Variants in CNTNAP2 observed in about 807,000 individuals in gnomAD.
The protein encoded by CNTNAP2 is contactin associated protein 2.
In CNTNAP2, 98 loss-of-function variants were observed where a neutral mutation model predicts 155.2. The observed-to-expected ratio is 0.63, with a 90% confidence interval of 0.54 to 0.75. CNTNAP2 has a LOEUF of 0.75. Among genes scored for constraint, CNTNAP2 ranks in the 30% least tolerant of loss-of-function variants. The pLI is 0.00. For missense variants in CNTNAP2, 1,727 were observed against 1,688.1 expected (o/e 1.02, Z -0.40); for synonymous variants, 651 against 631.2 (o/e 1.03, Z -0.47).
chr7:147,556,947 A>G (rs1208502012), intron 11 of CNTNAP2, among the ~76,000 whole-genome samples: 4 of 152,214 alleles, frequency 2.6e-5, no homozygotes, highest in Non-Finnish European at 4.4e-5. Flanking sequence ...GTTTAATGAA[A>G]ATGAATAAGA....
At chr7:148,236,957 C>T (rs1534707) in intron 20 of CNTNAP2, among the ~76,000 whole-genome samples, 54,208 of 152,100 alleles carry the variant, frequency 0.36, 10,442 homozygotes, top group East Asian at 0.61. Context: ...TCCATGATCC[C>T]ATCAACTCCC....
At chr7:147,837,865 G>A (rs529547061) in intron 13 of CNTNAP2, among the ~76,000 whole-genome samples, 1 of 152,268 alleles carries the variant, frequency 6.6e-6, no homozygotes, top group South Asian at 2.1e-4. Flanking sequence ...CTGTCCCTGT[G>A]GCTTTGCAGG....
chr7:146,800,591 T>A (rs1200470646), intron 2 of CNTNAP2, among the ~76,000 whole-genome samples: 3 of 152,136 alleles, frequency 2.0e-5, no homozygotes, highest in African/African-American at 7.2e-5. Flanking sequence ...CACCAAGGTG[T>A]CCTCAGGCAC....
rs183451536 is a variant in CNTNAP2 at position 147,617,478 on chromosome 7, T to C, written c.1898-21628T>C. On this transcript the variant is annotated intron_variant, in intron 12 of 23. Coordinates refer to ENST00000361727, the MANE Select transcript of CNTNAP2 (RefSeq NM_014141.6). ...TATTACCAACTTATGACATTTTTTA[T>C]GTAATAGGCTATACATTGTTGCCAT... Among the ~76,000 whole-genome samples, 32 of 152,310 alleles carry C rather than the reference T, an allele frequency of 2.1e-4. 1 individual carries two copies. Among genetic ancestry groups the C allele is most frequent in the South Asian group, 2.1e-4 (1 of 4,822 alleles).
intron 14 of CNTNAP2, among the ~76,000 whole-genome samples, chr7:147,946,217 G>T (rs1186627263): frequency 6.6e-6 from 1 of 152,096 alleles, no homozygotes; most frequent in Non-Finnish European, 1.5e-5. Context: ...AACACATCTA[G>T]CTCCTAGCAT....
At chr7:147,307,438 C>T (rs1291893678) in intron 9 of CNTNAP2, among the ~76,000 whole-genome samples, 1 of 135,132 alleles carries the variant, frequency 7.4e-6, no homozygotes, top group Non-Finnish European at 1.5e-5. Flanking sequence ...AAAAATTAGC[C>T]AGGCATGGTG....
At chr7:148,230,227 T>C (rs780014779) in intron 20 of CNTNAP2, among the ~76,000 whole-genome samples, 7 of 152,230 alleles carry the variant, frequency 4.6e-5, no homozygotes, top group African/African-American at 1.2e-4. Context: ...AGAGCCTTTG[T>C]CTTAAAAATC....
intron 1 of CNTNAP2, among the ~76,000 whole-genome samples, chr7:146,462,073 CAT>C (rs1472430486): frequency 6.6e-6 from 1 of 152,084 alleles, no homozygotes; most frequent in Non-Finnish European, 1.5e-5. Context: ...AGTGAAAAGA[CAT>C]ATTCTCTGAG....
At chr7:147,070,079 GACAA>G (rs1370558084) in intron 4 of CNTNAP2, among the ~76,000 whole-genome samples, 1 of 152,120 alleles carries the variant, frequency 6.6e-6, no homozygotes, top group East Asian at 1.9e-4. Flanking sequence ...ATGTGTACCT[GACAA>G]ACAAATGACC....
chr7:148,218,866 C>T (rs796597065), intron 19 of CNTNAP2, among the ~76,000 whole-genome samples: 1 of 150,692 alleles, frequency 6.6e-6, no homozygotes, highest in Non-Finnish European at 1.5e-5. Context: ...AGTGTACAAA[C>T]TTGCTGAACT....
At chr7:146,784,281 C>T (rs1188267599) in intron 2 of CNTNAP2, among the ~76,000 whole-genome samples, 1 of 152,144 alleles carries the variant, frequency 6.6e-6, no homozygotes, top group Admixed American at 6.5e-5. Flanking sequence ...ATCCCTGCTG[C>T]CGCCTTTGAA....
intron 21 of CNTNAP2, among the ~76,000 whole-genome samples, chr7:148,280,048 C>T (rs1272454352): frequency 6.6e-6 from 1 of 152,162 alleles, no homozygotes; most frequent in African/African-American, 2.4e-5. Context: ...GTGGCTGACT[C>T]CTGCAATCTC....
At chr7:148,165,425 A>C (rs1805635959) in intron 17 of CNTNAP2, among the ~76,000 whole-genome samples, 1 of 152,192 alleles carries the variant, frequency 6.6e-6, no homozygotes, top group Non-Finnish European at 1.5e-5. Flanking sequence ...TTCAGTCCAT[A>C]GCACTCCTGA....
At chr7:148,346,569 CG>C (rs201815061) in intron 21 of CNTNAP2, among the ~76,000 whole-genome samples, 3,450 of 150,084 alleles carry the variant, frequency 0.023, 44 homozygotes, top group African/African-American at 0.043. Flanking sequence ...GTCAGGAGTT[CG>C]AGACCAGCCC....
chr7:146,699,746 T>G, intron 1 of CNTNAP2, among the ~76,000 whole-genome samples: 1 of 151,958 alleles, frequency 6.6e-6, no homozygotes, highest in African/African-American at 2.4e-5. Flanking sequence ...GGTGGGAGGA[T>G]CATCTGAAAT....
intron 9 of CNTNAP2, among the ~76,000 whole-genome samples, chr7:147,371,787 T>G (rs1048749764): frequency 1.3e-5 from 2 of 152,178 alleles, no homozygotes; most frequent in Admixed American, 1.3e-4. Flanking sequence ...TATGTATACA[T>G]GTCCTATGTG....
intron 1 of CNTNAP2, among the ~76,000 whole-genome samples, chr7:146,710,138 C>T (rs1298741451): frequency 6.6e-6 from 1 of 152,104 alleles, no homozygotes; most frequent in Non-Finnish European, 1.5e-5. Flanking sequence ...AAAGCAGTGT[C>T]AGAGGAGTAA....
chr7:148,029,543 AC>A (rs1180075564), intron 15 of CNTNAP2, among the ~76,000 whole-genome samples: 10 of 152,220 alleles, frequency 6.6e-5, no homozygotes, highest in African/African-American at 2.4e-4. Context: ...AAACTATACA[AC>A]AATTTCTCTA....
chr7:147,402,207 T>C (rs1216145515), intron 10 of CNTNAP2, among the ~76,000 whole-genome samples: 1 of 152,202 alleles, frequency 6.6e-6, no homozygotes, highest in African/African-American at 2.4e-5. Flanking sequence ...TACTACCATT[T>C]CAAGAGTTCT....
Sources: allele counts gnomAD v4.1 joint callset (sites outside exome capture counted in the v4.1 genomes callset), GRCh38; gene constraint gnomAD v4.1.1; transcripts MANE v1.5; gene names NCBI Gene and HGNC (gene_info 2026-07-23, HGNC 2026-07-21).